The following ZBTB20 variants were observed in gnomAD, a reference collection of about 807,000 sequenced individuals.
The protein encoded by ZBTB20 is zinc finger and BTB domain containing 20, also known as zinc finger and BTB domain-containing protein 20.
In ZBTB20, 9 loss-of-function variants were observed where a neutral mutation model predicts 56.9. That is an observed-to-expected ratio of 0.16 (90% CI 0.10 to 0.28). The LOEUF (loss-of-function observed/expected upper bound fraction) is 0.28, where lower values mean the gene tolerates loss of function less well. Among genes scored for constraint, ZBTB20 ranks in the 10% least tolerant of loss-of-function variants. The pLI is 1.00. For missense variants in ZBTB20, 655 were observed against 1,003.0 expected (o/e 0.65, Z 4.69); for synonymous variants, 417 against 420.7 (o/e 0.99, Z 0.11).
chr3:114,984,845 C>G (rs1431747500), intron 2 of ZBTB20, among the ~76,000 whole-genome samples: 1 of 152,006 alleles, frequency 6.6e-6, no homozygotes, highest in Non-Finnish European at 1.5e-5. Context: ...TCACACATCC[C>G]TACACACCAA....
intron 7 of ZBTB20, among the ~76,000 whole-genome samples, chr3:114,460,751 C>T (rs1254626625): frequency 6.6e-6 from 1 of 152,180 alleles, no homozygotes; most frequent in Non-Finnish European, 1.5e-5. Context: ...GAAATTAACA[C>T]AGGGACCATC....
At chr3:115,132,225 T>C (rs2084527307) in intron 1 of ZBTB20, among the ~76,000 whole-genome samples, 1 of 152,230 alleles carries the variant, frequency 6.6e-6, no homozygotes, top group African/African-American at 2.4e-5. Context: ...TGTTTTCATA[T>C]AGTTCCTGTA....
intron 3 of ZBTB20, among the ~76,000 whole-genome samples, chr3:114,925,278 G>A (rs1560405083): frequency 6.6e-6 from 1 of 151,908 alleles, no homozygotes; most frequent in Non-Finnish European, 1.5e-5. Flanking sequence ...ACCGCACCTG[G>A]CCAATTTGGT....
chr3:114,505,147 T>C (rs2044452261), intron 6 of ZBTB20, among the ~76,000 whole-genome samples: 2 of 152,138 alleles, frequency 1.3e-5, no homozygotes, highest in Admixed American at 6.6e-5. Flanking sequence ...CCAGCTGAGG[T>C]ATCTGGCTGG....
At chr3:114,621,994 AT>A (rs1455427276) in intron 6 of ZBTB20, among the ~76,000 whole-genome samples, 1 of 152,184 alleles carries the variant, frequency 6.6e-6, no homozygotes, top group African/African-American at 2.4e-5. Flanking sequence ...GGCAGATTAT[AT>A]TTTTTTAAAT....
At chr3:115,147,062 C>G (rs1243380230) in intron 1 of ZBTB20, among the ~76,000 whole-genome samples, 157 bp downstream of exon 1, 2 of 149,256 alleles carry the variant, frequency 1.3e-5, no homozygotes, top group Non-Finnish European at 3.0e-5. Context: ...GCTCGCCGCT[C>G]TGTAACTCGC....
chr3:114,943,344 T>C lies in ZBTB20; in HGVS notation c.-456+31022A>G, dbSNP rs565836254. Among the ~76,000 whole-genome samples the C allele has an allele frequency of 5.5e-5, 8 of 145,142 alleles. 3 individuals are homozygous for C. The highest frequency in any genetic ancestry group is 2.2e-4 in the African/African-American group (8 of 35,602). On this transcript the variant is annotated intron_variant, in intron 3 of 11. Coordinates refer to ENST00000675478, the MANE Select transcript of ZBTB20 (RefSeq NM_001348800.3). Reference sequence around the variant, plus strand: ...TACAAAACACTCTAAATTTTTAATATGAAAAAATCATCAAGCATGCTAGGA... The same window carrying C: ...TACAAAACACTCTAAATTTTTAATACGAAAAAATCATCAAGCATGCTAGGA...
chr3:114,842,238 C>G (rs1275510931), intron 4 of ZBTB20, among the ~76,000 whole-genome samples: 1 of 152,050 alleles, frequency 6.6e-6, no homozygotes, highest in Non-Finnish European at 1.5e-5. Flanking sequence ...TGTTGTTAGC[C>G]TGGACTGTTG....
At chr3:115,022,986 A>G (rs2080267398) in intron 2 of ZBTB20, among the ~76,000 whole-genome samples, 1 of 151,060 alleles carries the variant, frequency 6.6e-6, no homozygotes, top group Non-Finnish European at 1.5e-5. Context: ...GAAGATGAAG[A>G]AACAATGAGA....
intron 4 of ZBTB20, among the ~76,000 whole-genome samples, chr3:114,843,574 G>A (rs750475960): frequency 3.9e-5 from 6 of 152,032 alleles, no homozygotes; most frequent in Non-Finnish European, 7.4e-5. Flanking sequence ...TCACTATGTT[G>A]CCCAGGTTGG....
chr3:114,772,107 A>G (rs752762749), intron 5 of ZBTB20, among the ~76,000 whole-genome samples: 13 of 152,172 alleles, frequency 8.5e-5, no homozygotes, highest in South Asian at 8.3e-4. Context: ...TCGGAGGCTG[A>G]GGCAGGCAGA....
At chr3:114,610,299 T>TA (rs1419442047) in intron 6 of ZBTB20, among the ~76,000 whole-genome samples, 2 of 152,222 alleles carry the variant, frequency 1.3e-5, no homozygotes, top group Admixed American at 1.3e-4. Flanking sequence ...ATGCACCCAC[T>TA]AATGGGGTGA....
intron 7 of ZBTB20, among the ~76,000 whole-genome samples, chr3:114,444,107 T>A (rs2091108832): frequency 6.6e-6 from 1 of 152,168 alleles, no homozygotes. Flanking sequence ...GTTTGTAATG[T>A]TATAAACCTG....
At chr3:114,863,503 TTGG>T (rs2075628347) in intron 4 of ZBTB20, among the ~76,000 whole-genome samples, 2 of 152,112 alleles carry the variant, frequency 1.3e-5, no homozygotes, top group African/African-American at 2.4e-5. Context: ...AATAAAGTCT[TTGG>T]TAAGAGTTTG....
intron 6 of ZBTB20, among the ~76,000 whole-genome samples, chr3:114,600,166 T>A (rs2056649400): frequency 6.6e-6 from 1 of 151,988 alleles, no homozygotes; most frequent in South Asian, 2.1e-4. Flanking sequence ...CTGGATAAGG[T>A]GATTATGAAA....
At chr3:114,442,941 C>G (rs2091025635) in intron 7 of ZBTB20, among the ~76,000 whole-genome samples, 1 of 152,150 alleles carries the variant, frequency 6.6e-6, no homozygotes, top group Non-Finnish European at 1.5e-5. Flanking sequence ...AAATGTGTAG[C>G]TGAACTGCAT....
At chr3:114,755,596 T>A (rs1578723269) in intron 5 of ZBTB20, among the ~76,000 whole-genome samples, 1 of 152,122 alleles carries the variant, frequency 6.6e-6, no homozygotes, top group African/African-American at 2.4e-5. Context: ...TTTTTTTAAA[T>A]TCCCCCCTTA....
intron 6 of ZBTB20, among the ~76,000 whole-genome samples, chr3:114,618,604 T>C (rs1220169638): frequency 6.6e-6 from 1 of 152,044 alleles, no homozygotes; most frequent in Non-Finnish European, 1.5e-5. Context: ...ATGAATGAAT[T>C]AATGTTAAAT....
chr3:114,733,698 T>C (rs2065926184), intron 5 of ZBTB20, among the ~76,000 whole-genome samples: 2 of 152,164 alleles, frequency 1.3e-5, no homozygotes, highest in African/African-American at 4.8e-5. Context: ...ATTGTATATA[T>C]GTAGGGTAAA....
Sources: allele counts gnomAD v4.1 joint callset (sites outside exome capture counted in the v4.1 genomes callset), GRCh38; gene constraint gnomAD v4.1.1; transcripts MANE v1.5; gene names NCBI Gene and HGNC (gene_info 2026-07-23, HGNC 2026-07-21).